USP39: variants seen among roughly 807,000 people sequenced by gnomAD.
The protein encoded by USP39 is ubiquitin carboxyl-terminal hydrolase 39.
In USP39, 38 loss-of-function variants were observed where a neutral mutation model predicts 66.4. The ratio of observed to expected loss-of-function variants is 0.57; its 90% confidence interval spans 0.44 to 0.75. The LOEUF is 0.75. Among genes scored for constraint, USP39 ranks in the 30% least tolerant of loss-of-function variants. The pLI is 0.00. For missense variants in USP39, 608 were observed against 714.4 expected (o/e 0.85, Z 1.70); for synonymous variants, 303 against 274.6 (o/e 1.10, Z -1.02).
upstream of USP39, chr2:85,612,181 T>C: frequency 1.0e-6 from 1 of 971,430 alleles, no homozygotes; most frequent in Non-Finnish European, 1.5e-6. Context: ...AGGGTATGCT[T>C]GACTTCCACC....
chr2:85,622,123 T>C (rs1207304435), intron 3 of USP39, among the ~76,000 whole-genome samples: 1 of 141,976 alleles, frequency 7.0e-6, no homozygotes, highest in Non-Finnish European at 1.6e-5. Flanking sequence ...CCCGGCCTAA[T>C]TTTTTTTTTT....
upstream of USP39, chr2:85,608,411 TAC>T (rs369846835): frequency 7.3e-5 from 11 of 151,570 alleles, no homozygotes; most frequent in African/African-American, 2.4e-4. Flanking sequence ...CAGCTGGAGG[TAC>T]ACAGTCATTT....
intron 1 of USP39, among the ~76,000 whole-genome samples, chr2:85,606,177 C>T (rs908742938): frequency 6.6e-6 from 1 of 152,098 alleles, no homozygotes; most frequent in Non-Finnish European, 1.5e-5. Flanking sequence ...TGTGTGTGCG[C>T]GTTTTTTAAA....
At position 85,648,158 on chromosome 2, in the gene USP39, T is replaced by A. The variant is rs571891203; in HGVS notation, c.1650+142T>A. 1.6e-5 allele frequency: 12 copies of A among 735,062 alleles called. No individual in the cohort carries two copies. In the South Asian group the frequency reaches 2.0e-4, roughly 12 times the overall value. 45.5% of individuals were successfully genotyped at this position (735,062 alleles called of 1,614,324 possible). On this transcript the variant is annotated intron_variant, in intron 12 of 12. Coordinates refer to ENST00000323701, the MANE Select transcript of USP39 (RefSeq NM_006590.4). ...CTATTGGGAAGTACTTAGTAGTGAGTTGGGGGCAGAATGTATGGCCCTGAA... is the reference window on the plus strand; with the variant it reads ...CTATTGGGAAGTACTTAGTAGTGAGATGGGGGCAGAATGTATGGCCCTGAA...
At chr2:85,615,692 G>A (rs1266316015), upstream of USP39, among the ~76,000 whole-genome samples, 1 of 152,146 alleles carries the variant, frequency 6.6e-6, no homozygotes, top group Non-Finnish European at 1.5e-5. Flanking sequence ...GTGCAATGGC[G>A]CGATCTCGGC....
intron 8 of USP39, 66 bp downstream of exon 8, chr2:85,637,502 G>A: frequency 6.5e-7 from 1 of 1,533,054 alleles, no homozygotes; most frequent in Non-Finnish European, 9.0e-7. Context: ...GGGAGATGAA[G>A]AGATGCTCAG....
In USP39 at chr2:85,625,700, A is replaced by G; in HGVS notation, c.723+9A>G. The G allele has an allele frequency of 2.5e-6, 4 of 1,610,396 alleles. No individual in the cohort carries two copies. Among genetic ancestry groups the G allele is most frequent in the Non-Finnish European group, 1.7e-6 (2 of 1,177,272 alleles). ...CCAACGCTGTCCTTCAGGTAAGATCAAGACGGGAACATTGAGGAAGAGAAG... is the reference window on the plus strand; with the variant it reads ...CCAACGCTGTCCTTCAGGTAAGATCGAGACGGGAACATTGAGGAAGAGAAG... On this transcript the variant is annotated intron_variant, in intron 5 of 12. Coordinates refer to ENST00000323701, the MANE Select transcript of USP39 (RefSeq NM_006590.4).
chr2:85,642,919 G>A (rs1676350567), intron 10 of USP39, among the ~76,000 whole-genome samples: 2 of 151,974 alleles, frequency 1.3e-5, no homozygotes, highest in African/African-American at 4.8e-5. Flanking sequence ...CTGGTCTGTT[G>A]CTGTGGTTGG....
intron 1 of USP39, among the ~76,000 whole-genome samples, chr2:85,605,678 C>G (rs1046808386): frequency 6.6e-6 from 1 of 152,144 alleles, no homozygotes; most frequent in African/African-American, 2.4e-5. Flanking sequence ...CACACAAAGC[C>G]CTCATTTAAA....
At chr2:85,633,165 A>G (rs895793910) in intron 6 of USP39, among the ~76,000 whole-genome samples, 2 of 151,558 alleles carry the variant, frequency 1.3e-5, no homozygotes, top group African/African-American at 4.9e-5. Flanking sequence ...CTGTTGCCCA[A>G]GCTGGAGTGC....
upstream of USP39, among the ~76,000 whole-genome samples, chr2:85,614,367 A>T (rs1053532876): frequency 5.9e-5 from 9 of 152,248 alleles, no homozygotes; most frequent in Admixed American, 5.2e-4. Flanking sequence ...TACAAAAATT[A>T]GCCGGGCATG....
rs1444525840 is a variant in USP39, at chr2:85,630,793, C to T, written c.796C>T (p.Pro266Ser). The T allele has an allele frequency of 1.2e-6, 2 of 1,614,178 alleles. No homozygotes were observed. Among genetic ancestry groups the T allele is most frequent in the Non-Finnish European group, 1.7e-6 (2 of 1,180,042 alleles). The part of the protein sequence containing the change: ...EDNYKNIKRP[P>S]GDIMFLLVQR... ...CAATTATAAGAACATCAAACGTCCT[C>T]CAGGGGATATCATGTTCTTGTTGGT... The change falls in exon 6 of 13, where the codon CCA (proline) becomes TCA (serine). Residue 266 changes from proline to serine, a missense_variant. Pro to Ser is a moderately conservative substitution (Grantham distance 74). Transcript: ENST00000323701.
Position 85,616,476 on chromosome 2 carries a change from G to T in USP39, c.268+13G>T, listed in dbSNP as rs776044557. On this transcript the variant is annotated intron_variant, in intron 1 of 12. Coordinates refer to ENST00000323701, the MANE Select transcript of USP39 (RefSeq NM_006590.4). ...CGGGAGGTGCGAGGTGCGCGGGGCC[G>T]GGCCGGGCTAGGCGCGAGAGCCTGT... The T allele has an allele frequency of 1.3e-6, 2 of 1,495,448 alleles. No homozygotes were observed. Among genetic ancestry groups the T allele is most frequent in the Non-Finnish European group, 1.8e-6 (2 of 1,116,242 alleles). The allele number at this position is 1,495,448 out of a possible 1,614,324, so 92.6% of individuals were successfully genotyped here.
At chr2:85,621,152 C>T (rs1558851309) in intron 2 of USP39, 1 of 185,774 alleles carries the variant, frequency 5.4e-6, no homozygotes, top group Non-Finnish European at 1.1e-5. Flanking sequence ...CTCTCCACCT[C>T]CAGAATGCTG....
At chr2:85,616,150 C>A, upstream of USP39, 1 of 1,400,950 alleles carries the variant, frequency 7.1e-7, no homozygotes. Context: ...GCCGCGCGCT[C>A]GAGCGTGCTT....
intron 1 of USP39, among the ~76,000 whole-genome samples, chr2:85,606,162 TTGTG>T (rs574909780): frequency 2.6e-5 from 4 of 152,008 alleles, no homozygotes; most frequent in Admixed American, 1.3e-4. Context: ...GCCTATCAGA[TTGTG>T]TGTGTGTGCG....
chr2:85,606,175 C>T (rs969533940), intron 1 of USP39, among the ~76,000 whole-genome samples: 2 of 152,220 alleles, frequency 1.3e-5, no homozygotes, highest in African/African-American at 2.4e-5. Context: ...TGTGTGTGTG[C>T]GCGTTTTTTA....
chr2:85,609,768 G>C (rs13418207), upstream of USP39, among the ~76,000 whole-genome samples: 1 of 151,856 alleles, frequency 6.6e-6, no homozygotes, highest in Non-Finnish European at 1.5e-5. Context: ...TGCAACTTCC[G>C]CTCCCAGGTT....
Position 85,647,938 on chromosome 2 carries a change from C to T in USP39, c.1572C>T (p.Gly524=), listed in dbSNP as rs2104370047. The T allele has an allele frequency of 1.2e-6, 2 of 1,614,096 alleles. No homozygotes were observed. Among genetic ancestry groups the T allele is most frequent in the South Asian group, 2.2e-5 (2 of 91,090 alleles). Residue 524 remains glycine (G), a synonymous_variant, in exon 12 of 13, where the codon GGC becomes GGT. Coordinates refer to ENST00000323701, the MANE Select transcript of USP39 (RefSeq NM_006590.4). ...YRIHVLHHGT[G]KWYELQDLQV... ...CTTCATACTTTCTGCAGGGGACAGGCAAATGGTATGAATTACAAGACCTCC... is the reference window on the plus strand; with the variant it reads ...CTTCATACTTTCTGCAGGGGACAGGTAAATGGTATGAATTACAAGACCTCC...
Sources: gnomAD v4.1 joint callset for allele counts (sites outside exome capture counted in the v4.1 genomes callset) on GRCh38, gnomAD v4.1.1 for gene constraint, MANE v1.5 for transcripts, NCBI Gene and HGNC (gene_info 2026-07-23, HGNC 2026-07-21) for gene names.